The following ZNF385D variants were observed in gnomAD, a reference collection of about 807,000 sequenced individuals.
The protein encoded by ZNF385D is zinc finger protein 659.
A neutral mutation model predicts 35.8 loss-of-function variants in ZNF385D; 15 were observed. The ratio of observed to expected loss-of-function variants is 0.42; its 90% CI spans 0.28 to 0.64. The LOEUF (loss-of-function observed/expected upper bound fraction) is 0.64, where lower values mean the gene tolerates loss of function less well. Ranked by LOEUF, ZNF385D falls within the 30% of genes least tolerant of loss-of-function variation. ZNF385D has a pLI of 0.23. For synonymous variants in ZNF385D, 212 were observed against 186.8 expected (o/e 1.13, Z -1.10); for missense variants, 474 against 494.6 (o/e 0.96, Z 0.39).
intron 3 of ZNF385D, among the ~76,000 whole-genome samples, chr3:21,997,551 T>A (rs1297121007): frequency 2.7e-5 from 4 of 146,662 alleles, no homozygotes; most frequent in African/African-American, 9.9e-5. Flanking sequence ...TGTAACTATC[T>A]CTGCAGAAAA....
At chr3:21,665,068 C>G in intron 1 of ZNF385D, 40 bp from the exon 2 acceptor site, 1 of 1,527,182 alleles carries the variant, frequency 6.5e-7, no homozygotes, top group Non-Finnish European at 8.8e-7. Flanking sequence ...AGGGACACCA[C>G]GCATGGAAAA....
Position 21,993,243 on chromosome 3 carries a change from T to G in ZNF385D, c.325+175574A>C, listed in dbSNP as rs116697537. Among the ~76,000 whole-genome samples, 1,375 of 152,326 alleles carry G rather than the reference T, an allele frequency of 9.0e-3. 21 individuals are homozygous for G. The highest frequency in any genetic ancestry group is 0.032 in the African/African-American group (1,314 of 41,580). On this transcript the variant is annotated intron_variant, in intron 3 of 5. Transcript: ENST00000494108. The stretch of plus-strand genomic sequence containing the variant: ...CTTGCATGCAAATTTTGGTTTTCCC[T>G]TAACAGAATGTTACAAAACTCCAAG...
At chr3:21,853,718 G>A (rs1438932199) in intron 3 of ZNF385D, among the ~76,000 whole-genome samples, 1 of 151,658 alleles carries the variant, frequency 6.6e-6, no homozygotes, top group Admixed American at 6.6e-5. Flanking sequence ...ATTTCATCAC[G>A]ATGAGTGAAT....
In ZNF385D at chr3:21,825,481, TA is replaced by T. The variant is rs147207080; in HGVS notation, c.326-160454del. Among the ~76,000 whole-genome samples, 107 of 148,422 alleles carry T rather than the reference TA, an allele frequency of 7.2e-4. 1 individual carries two copies. The highest frequency in any genetic ancestry group is 2.5e-3 in the South Asian group (12 of 4,712). On this transcript the variant is annotated intron_variant, in intron 3 of 5. Coordinates refer to the ZNF385D transcript ENST00000494108. ...TTAAATATTTTATGTTGTTTGCAAA[TA>T]AAAAAAAAAGTGTAGAGTTAGGTGG...
intron 2 of ZNF385D, among the ~76,000 whole-genome samples, chr3:22,275,017 C>T (rs1474427127): frequency 6.6e-6 from 1 of 151,964 alleles, no homozygotes; most frequent in East Asian, 1.9e-4. Flanking sequence ...AAGACAAACC[C>T]TGTGGATAGC....
At chr3:21,883,381 G>C (rs1472817466) in intron 3 of ZNF385D, among the ~76,000 whole-genome samples, 1 of 151,798 alleles carries the variant, frequency 6.6e-6, no homozygotes, top group Non-Finnish European at 1.5e-5. Flanking sequence ...TTTCTAACCA[G>C]ACAAATGTCT....
At chr3:22,346,960 A>G (rs1695685233) in intron 2 of ZNF385D, among the ~76,000 whole-genome samples, 1 of 152,228 alleles carries the variant, frequency 6.6e-6, no homozygotes, top group South Asian at 2.1e-4. Flanking sequence ...GAGAATCCAA[A>G]GACAAGTATC....
intron 3 of ZNF385D, among the ~76,000 whole-genome samples, chr3:21,915,530 T>C (rs1385473212): frequency 6.6e-6 from 1 of 152,146 alleles, no homozygotes; most frequent in Non-Finnish European, 1.5e-5. Flanking sequence ...TAAATGTGTT[T>C]CTTTGCAAAT....
intron 2 of ZNF385D, among the ~76,000 whole-genome samples, chr3:22,371,341 T>C (rs1325095031): frequency 6.6e-6 from 1 of 152,176 alleles, no homozygotes; most frequent in African/African-American, 2.4e-5. Flanking sequence ...CCCCACCATA[T>C]TCCGGGAACA....
intron 2 of ZNF385D, among the ~76,000 whole-genome samples, chr3:21,648,101 C>G (rs1032368546): frequency 1.3e-5 from 2 of 152,132 alleles, no homozygotes; most frequent in Admixed American, 6.5e-5. Context: ...TGTGTCCCCA[C>G]CCAAATGTCA....
chr3:21,761,800 A>G (rs2070622508), intron 3 of ZNF385D, among the ~76,000 whole-genome samples: 2 of 151,618 alleles, frequency 1.3e-5, no homozygotes, highest in Middle Eastern at 3.2e-3. Flanking sequence ...CCCAAGTGAT[A>G]AAAATTGTAT....
intron 4 of ZNF385D, among the ~76,000 whole-genome samples, chr3:21,493,551 T>A (rs1705589518): frequency 6.6e-6 from 1 of 152,108 alleles, no homozygotes. Context: ...TAACACTATA[T>A]ACTGATCTAA....
intron 3 of ZNF385D, among the ~76,000 whole-genome samples, chr3:22,132,289 A>G (rs1381958205): frequency 6.6e-6 from 1 of 152,190 alleles, no homozygotes; most frequent in Non-Finnish European, 1.5e-5. Context: ...CACATGAAAC[A>G]GTGCCATCTA....
At chr3:21,807,433 T>C (rs2072702841) in intron 3 of ZNF385D, among the ~76,000 whole-genome samples, 1 of 152,182 alleles carries the variant, frequency 6.6e-6, no homozygotes, top group African/African-American at 2.4e-5. Context: ...ATGGGTATTC[T>C]AGTTGTGATT....
At chr3:21,713,724 C>A (rs994340226) in intron 1 of ZNF385D, among the ~76,000 whole-genome samples, 3 of 152,190 alleles carry the variant, frequency 2.0e-5, no homozygotes, top group Non-Finnish European at 4.4e-5. Context: ...TTAGCCTCCT[C>A]TTCTCCAAAA....
chr3:21,914,376 T>A (rs1164417284), intron 3 of ZNF385D, among the ~76,000 whole-genome samples: 1 of 80,688 alleles, frequency 1.2e-5, no homozygotes, highest in Non-Finnish European at 2.3e-5. Context: ...AGTGCTTTTG[T>A]TTGACTTTTT....
intron 3 of ZNF385D, among the ~76,000 whole-genome samples, chr3:22,093,067 A>G (rs909740276): frequency 2.6e-5 from 4 of 152,166 alleles, no homozygotes; most frequent in Admixed American, 6.6e-5. Context: ...ACGTAGAGTC[A>G]TAAGACAAAG....
At chr3:22,049,942 T>C (rs35972961) in intron 3 of ZNF385D, among the ~76,000 whole-genome samples, 15,978 of 152,254 alleles carry the variant, frequency 0.1, 1,109 homozygotes, top group South Asian at 0.25. Context: ...TTATCAGGAA[T>C]AATGGCCATA....
chr3:21,927,550 C>G (rs1328935394), intron 3 of ZNF385D, among the ~76,000 whole-genome samples: 1 of 152,136 alleles, frequency 6.6e-6, no homozygotes, highest in Admixed American at 6.5e-5. Context: ...AAAGAGATTG[C>G]TGGGCTGAAT....
Sources: allele counts gnomAD v4.1 joint callset (sites outside exome capture counted in the v4.1 genomes callset), GRCh38; gene constraint gnomAD v4.1.1; transcripts MANE v1.5; gene names NCBI Gene and HGNC (gene_info 2026-07-23, HGNC 2026-07-21).